The following ADAM7 variants were observed in gnomAD, a reference collection of about 807,000 sequenced individuals.
ADAM7 encodes ADAM metallopeptidase domain 7.
Under a neutral mutation model 102.9 loss-of-function variants are expected in ADAM7, and 97 were observed. The ratio of observed to expected loss-of-function variants is 0.94; its 90% CI spans 0.80 to 1.12. The LOEUF is 1.12. Among genes scored for constraint, ADAM7 ranks in the 50% most tolerant of loss-of-function variants. The pLI is 0.00. For synonymous variants in ADAM7, 334 were observed against 304.4 expected (o/e 1.10, Z -1.01); for missense variants, 991 against 908.7 (o/e 1.09, Z -1.16).
In ADAM7 at chr8:24,490,877, G is replaced by A. The variant is rs150456644; in HGVS notation, c.1345G>A (p.Glu449Lys). The A allele has an allele frequency of 1.2e-4, 187 of 1,612,858 alleles. 2 individuals are homozygous for A. In the African/African-American group the frequency reaches 2.1e-3, roughly 18 times the overall value. ...TACTTGTGCAGAAGGAGAATGCTGT[G>A]AATCTTGTCAGGTAAGGTCATGTGC... is the stretch of plus-strand genomic sequence containing the variant. Reference protein sequence around the residue: ...GFTCAEGECCESCQIKKAGSI... With the variant: ...GFTCAEGECCKSCQIKKAGSI... Residue 449 changes from glutamate (E) to lysine (K), a missense_variant, in exon 13 of 22, where the codon GAA becomes AAA. Coordinates refer to ENST00000175238, the MANE Select transcript of ADAM7 (RefSeq NM_003817.4).
At chr8:24,488,179 G>C (rs982495763) in intron 11 of ADAM7, among the ~76,000 whole-genome samples, 5 of 152,094 alleles carry the variant, frequency 3.3e-5, no homozygotes, top group African/African-American at 1.2e-4. Context: ...AGTCCCACAA[G>C]GTCAGAGGGT....
chr8:24,452,005 G>A (rs1370365241), intron 3 of ADAM7, among the ~76,000 whole-genome samples: 1 of 152,172 alleles, frequency 6.6e-6, no homozygotes, highest in African/African-American at 2.4e-5. Flanking sequence ...TTGCACTGTG[G>A]TCTGAGAGAC....
Position 24,508,698 on chromosome 8 carries a change from A to G in ADAM7, c.*152A>G, listed in dbSNP as rs1446863061. The G allele has an allele frequency of 1.4e-6, 2 of 1,473,100 alleles. No homozygotes were observed. The allele number at this position is 1,473,100 out of a possible 1,614,324, so 91.3% of individuals were successfully genotyped here. A position where few individuals can be genotyped will look rare whatever the true frequency, so the allele number is the denominator to read the frequency against. On this transcript the variant is annotated 3_prime_UTR_variant, in exon 22 of 22. Transcript: ENST00000175238. ...CAGACAGACAATGTTTAAGAGAAACAACTTATTTCTGTTAATATTTACCGG... is the reference window on the plus strand; with the variant it reads ...CAGACAGACAATGTTTAAGAGAAACGACTTATTTCTGTTAATATTTACCGG...
chr8:24,492,469 T>C lies in ADAM7; in HGVS notation c.1553-26T>C, dbSNP rs918792906. The stretch of plus-strand genomic sequence containing the variant: ...TCATGATAGTCATGCTTTATTGTTT[T>C]ACTTTTATACCATTTTTTACCCCAG... On this transcript the variant is annotated intron_variant, in intron 14 of 21. Transcript: ENST00000175238. The C allele has an allele frequency of 4.0e-6, 6 of 1,496,520 alleles. No individual in the cohort carries two copies. The Admixed American group carries it at 5.5e-5, about 14-fold the overall frequency. 92.7% of individuals were successfully genotyped at this position (1,496,520 alleles called of 1,614,324 possible).
rs1820423441 is a variant in ADAM7, at chr8:24,493,067, CT to C, written c.1681del (p.Cys561AlafsTer62). The C allele has an allele frequency of 6.3e-7, 1 of 1,598,774 alleles. No individual in the cohort carries two copies. Among genetic ancestry groups the C allele is most frequent in the Non-Finnish European group, 8.5e-7 (1 of 1,174,944 alleles). ...GAGATGTCAGATGTGGAAAGATCTACTGCACTGGAGGGGAGCTTTCCTCTCT... is the reference window on the plus strand; with the variant it reads ...GAGATGTCAGATGTGGAAAGATCTACGCACTGGAGGGGAGCTTTCCTCTCT... ...EKDVRCGKIYCTGGELSSLLG... is the reference protein window; with the variant it reads ...EKDVRCGKIYXTGGELSSLLG... On this transcript the variant is annotated frameshift_variant, in exon 16 of 22. Transcript: ENST00000175238. LOFTEE classifies it high-confidence loss of function.
At chr8:24,500,990 T>G in intron 19 of ADAM7, 95 bp downstream of exon 19, 2 of 1,022,222 alleles carry the variant, frequency 2.0e-6, no homozygotes, top group Admixed American at 4.5e-5. Context: ...GGGGGAAGTA[T>G]AAGCTTCTTA....
intron 12 of ADAM7, among the ~76,000 whole-genome samples, chr8:24,490,159 C>T (rs1381257582): frequency 2.0e-5 from 3 of 152,092 alleles, no homozygotes; most frequent in Non-Finnish European, 4.4e-5. Flanking sequence ...AGACTGGGGA[C>T]AGTAACCTGT....
At chr8:24,507,440 C>A in intron 20 of ADAM7, 40 bp from the exon 21 acceptor site, 1 of 1,535,378 alleles carries the variant, frequency 6.5e-7, no homozygotes, top group Non-Finnish European at 9.0e-7. Context: ...CGTGTAACAT[C>A]TGATGTGGCA....
intron 20 of ADAM7, among the ~76,000 whole-genome samples, chr8:24,502,569 A>T (rs112571742): frequency 0.014 from 2,127 of 152,186 alleles, 47 homozygotes; most frequent in African/African-American, 0.047. Flanking sequence ...CAATGAAGAT[A>T]CTATAAATAT....
At chr8:24,503,920 A>G (rs1267133353) in intron 20 of ADAM7, among the ~76,000 whole-genome samples, 1 of 152,044 alleles carries the variant, frequency 6.6e-6, no homozygotes, top group Non-Finnish European at 1.5e-5. Context: ...AGAAATACCT[A>G]ATGTAGGTGA....
At chr8:24,466,375 T>G (rs141157199) in intron 5 of ADAM7, among the ~76,000 whole-genome samples, 1 of 152,220 alleles carries the variant, frequency 6.6e-6, no homozygotes, top group African/African-American at 2.4e-5. Flanking sequence ...TAGTTCTTAG[T>G]GTTTTCAAGA....
At chr8:24,463,054 C>G (rs539279143) in intron 3 of ADAM7, among the ~76,000 whole-genome samples, 3 of 152,066 alleles carry the variant, frequency 2.0e-5, no homozygotes, top group Non-Finnish European at 1.5e-5. Flanking sequence ...AATATAGCCT[C>G]GAATGCTTAT....
At chr8:24,493,367 G>T (rs937594338) in intron 16 of ADAM7, 138 bp downstream of exon 16, 15 of 726,312 alleles carry the variant, frequency 2.1e-5, no homozygotes, top group Non-Finnish European at 2.9e-5. Flanking sequence ...TTAATGAGGA[G>T]CAGAGTAGCA....
At position 24,500,221 on chromosome 8, in the gene ADAM7, C is replaced by G. The variant is rs781782383; in HGVS notation, c.1967C>G (p.Ala656Gly). Residue 656 changes from alanine (A) to glycine (G), a missense_variant, in exon 18 of 22, where the codon GCA becomes GGA. Transcript: ENST00000175238. ...GLQCHCEEGQ[A>G]PVACEETLHV... ...CAGTGCCACTGTGAGGAAGGACAGG[C>G]ACCTGTAGCCTGTGAAGAAACCTTA... The G allele has an allele frequency of 6.2e-7, 1 of 1,611,922 alleles. No homozygotes were observed. The highest frequency in any genetic ancestry group is 1.3e-5 in the African/African-American group (1 of 74,982).
In ADAM7 at chr8:24,451,971, T is replaced by C. The variant is rs1181439526; in HGVS notation, c.233+4709T>C. Among the ~76,000 whole-genome samples, 3 of 152,266 alleles carry C rather than the reference T, an allele frequency of 2.0e-5. No homozygotes were observed. In the East Asian group the frequency reaches 5.8e-4, roughly 29 times the overall value. On this transcript the variant is annotated intron_variant, in intron 3 of 21. Transcript: ENST00000175238. ...GTAGTTGAGCGGTTTTGAGTGAGTT[T>C]CTTAATCCTGAGTTCTAGTTTGATT...
intron 16 of ADAM7, among the ~76,000 whole-genome samples, chr8:24,496,477 T>G (rs542960784): frequency 6.6e-6 from 1 of 152,278 alleles, no homozygotes; most frequent in Non-Finnish European, 1.5e-5. Flanking sequence ...GCTTGCACTG[T>G]GCACCTGGAA....
chr8:24,504,470 G>A (rs1055042671), intron 20 of ADAM7, among the ~76,000 whole-genome samples: 1 of 151,782 alleles, frequency 6.6e-6, no homozygotes. Context: ...GATGAAGAAA[G>A]CATCATTTTT....
intron 2 of ADAM7, among the ~76,000 whole-genome samples, chr8:24,445,079 T>A (rs1361038280): frequency 6.6e-6 from 1 of 152,114 alleles, no homozygotes; most frequent in Non-Finnish European, 1.5e-5. Flanking sequence ...ATATTAAAAA[T>A]CTTCTAATAT....
chr8:24,491,888 G>T lies in ADAM7; in HGVS notation c.1357-15G>T. 1 of 1,571,264 alleles carries T rather than the reference G, an allele frequency of 6.4e-7. No homozygotes were observed. The highest frequency in any genetic ancestry group is 1.2e-5 in the South Asian group (1 of 84,346). ...AATGTATCCAGGATTTAGTCTCTTTGTTTTTCCTCAACAGATAAAAAAAGC... is the reference window on the plus strand; with the variant it reads ...AATGTATCCAGGATTTAGTCTCTTTTTTTTTCCTCAACAGATAAAAAAAGC... On this transcript the variant is annotated splice_polypyrimidine_tract_variant and intron_variant, in intron 13 of 21. Transcript: ENST00000175238.
Sources: gnomAD v4.1 joint callset for allele counts (sites outside exome capture counted in the v4.1 genomes callset) on GRCh38, gnomAD v4.1.1 for gene constraint, MANE v1.5 for transcripts, NCBI Gene and HGNC (gene_info 2026-07-23, HGNC 2026-07-21) for gene names.